Variants in ZNF385D observed in about 807,000 individuals in gnomAD.
The protein encoded by ZNF385D is zinc finger protein 659.
A neutral mutation model predicts 35.8 loss-of-function variants in ZNF385D; 15 were observed. The ratio of observed to expected loss-of-function variants is 0.42; its 90% CI spans 0.28 to 0.64. The LOEUF is 0.64. ZNF385D is among the 30% of genes least tolerant of loss of function. The probability of loss-of-function intolerance (pLI) is 0.23; values close to 1 mark genes in which losing one functional copy is unlikely to be tolerated. For synonymous variants in ZNF385D, 212 were observed against 186.8 expected, an observed-to-expected ratio of 1.13 and a Z score of -1.10; for missense variants, 474 against 494.6, an observed-to-expected ratio of 0.96 and a Z score of 0.39.
intron 3 of ZNF385D, among the ~76,000 whole-genome samples, chr3:21,967,866 G>T (rs574866828): frequency 2.6e-5 from 4 of 152,166 alleles, no homozygotes; most frequent in Non-Finnish European, 4.4e-5. Context: ...GCACCAAATT[G>T]ATTGACTATC....
intron 2 of ZNF385D, among the ~76,000 whole-genome samples, chr3:22,176,110 T>A (rs1447690994): frequency 3.9e-5 from 6 of 151,922 alleles, no homozygotes; most frequent in Admixed American, 3.3e-4. Context: ...CTACAGCATC[T>A]GGAAATTCCC....
At chr3:22,082,272 G>T (rs563618248) in intron 3 of ZNF385D, among the ~76,000 whole-genome samples, 62 of 152,178 alleles carry the variant, frequency 4.1e-4, no homozygotes, top group African/African-American at 1.4e-3. Context: ...GTAAGTGCAA[G>T]GGGTCAGGGA....
At chr3:22,028,809 G>C (rs1697728510) in intron 3 of ZNF385D, among the ~76,000 whole-genome samples, 1 of 152,174 alleles carries the variant, frequency 6.6e-6, no homozygotes, top group South Asian at 2.1e-4. Context: ...GAAGCAGCTG[G>C]ATTTATAAAA....
chr3:22,207,810 A>G (rs931655431), intron 2 of ZNF385D, among the ~76,000 whole-genome samples: 1 of 152,016 alleles, frequency 6.6e-6, no homozygotes, highest in African/African-American at 2.4e-5. Context: ...TTGAAAGAAG[A>G]CATACAAATG....
chr3:21,964,954 G>A (rs1193008009), intron 3 of ZNF385D, among the ~76,000 whole-genome samples: 3 of 152,172 alleles, frequency 2.0e-5, no homozygotes, highest in African/African-American at 7.2e-5. Context: ...GTATTTAGCA[G>A]ATAAAAATAC....
chr3:22,270,657 G>C (rs764651463), intron 2 of ZNF385D, among the ~76,000 whole-genome samples: 9 of 149,794 alleles, frequency 6.0e-5, no homozygotes, highest in South Asian at 4.1e-4. Context: ...CATGATGTGA[G>C]ATCTTTACTT....
intron 3 of ZNF385D, among the ~76,000 whole-genome samples, chr3:21,846,044 A>T (rs1322017421): frequency 1.3e-5 from 2 of 151,946 alleles, no homozygotes; most frequent in Admixed American, 6.6e-5. Flanking sequence ...TACAGAAAAC[A>T]TTTCTTCCCC....
At chr3:22,127,873 T>C (rs1313782871) in intron 3 of ZNF385D, among the ~76,000 whole-genome samples, 2 of 152,188 alleles carry the variant, frequency 1.3e-5, no homozygotes, top group African/African-American at 4.8e-5. Context: ...AAGTTGTAGT[T>C]ATTATTTTGG....
At chr3:21,786,658 G>A (rs995801535) in intron 3 of ZNF385D, among the ~76,000 whole-genome samples, 1 of 152,140 alleles carries the variant, frequency 6.6e-6, no homozygotes, top group Non-Finnish European at 1.5e-5. Flanking sequence ...AGCATTAGTG[G>A]TGACAGAATA....
chr3:21,904,967 A>G (rs959073473), intron 3 of ZNF385D, among the ~76,000 whole-genome samples: 2 of 152,098 alleles, frequency 1.3e-5, no homozygotes, highest in African/African-American at 4.8e-5. Flanking sequence ...AGAAAAAAGA[A>G]TATTTTTGAT....
chr3:21,753,236 T>C (rs2070184781), upstream of ZNF385D, among the ~76,000 whole-genome samples: 1 of 152,208 alleles, frequency 6.6e-6, no homozygotes, highest in African/African-American at 2.4e-5. Flanking sequence ...TTCTTAATGA[T>C]GTGATGAGTA....
chr3:21,846,293 G>T (rs1486370), intron 3 of ZNF385D, among the ~76,000 whole-genome samples: 127,274 of 151,562 alleles, frequency 0.84, 53,565 homozygotes, highest in South Asian at 0.89. Flanking sequence ...CACATTTTTA[G>T]ACTTGCACAT....
At chr3:21,797,934 C>G (rs1287611722) in intron 3 of ZNF385D, among the ~76,000 whole-genome samples, 1 of 152,160 alleles carries the variant, frequency 6.6e-6, no homozygotes, top group East Asian at 1.9e-4. Flanking sequence ...GGAAATATAC[C>G]ATTATACATT....
At chr3:21,874,528 G>A (rs1230026315) in intron 3 of ZNF385D, among the ~76,000 whole-genome samples, 1 of 152,002 alleles carries the variant, frequency 6.6e-6, no homozygotes, top group Non-Finnish European at 1.5e-5. Context: ...TTGATCATAT[G>A]TATGTGGGCT....
chr3:21,905,205 CAAAAAAA>C (rs63147760), intron 3 of ZNF385D, among the ~76,000 whole-genome samples: 1 of 69,730 alleles, frequency 1.4e-5, no homozygotes, highest in Non-Finnish European at 2.7e-5. Context: ...ACAAAAAATC[CAAAAAAA>C]AAAAAAAAAA....
intron 2 of ZNF385D, among the ~76,000 whole-genome samples, chr3:22,321,113 T>C (rs1694396210): frequency 6.6e-6 from 1 of 151,494 alleles, no homozygotes; most frequent in South Asian, 2.1e-4. Context: ...CCTGTTCAAA[T>C]TTTTTAATTC....
At chr3:21,891,295 A>C (rs1057489257) in intron 3 of ZNF385D, among the ~76,000 whole-genome samples, 3 of 152,180 alleles carry the variant, frequency 2.0e-5, no homozygotes, top group Admixed American at 2.0e-4. Flanking sequence ...ACAAGGAGCT[A>C]TCCAGGAAGT....
intron 3 of ZNF385D, among the ~76,000 whole-genome samples, chr3:22,089,368 G>A (rs1701205770): frequency 1.3e-5 from 2 of 152,204 alleles, no homozygotes; most frequent in Non-Finnish European, 2.9e-5. Flanking sequence ...CAGTAATAAT[G>A]TTGGTAGATA....
chr3:22,071,758 A>G (rs1019577192), intron 3 of ZNF385D, among the ~76,000 whole-genome samples: 3 of 152,120 alleles, frequency 2.0e-5, no homozygotes, highest in African/African-American at 7.2e-5. Context: ...ATGGACACCA[A>G]CAAGATTAGT....
Sources: gnomAD v4.1 joint callset for allele counts (sites outside exome capture counted in the v4.1 genomes callset) on GRCh38, gnomAD v4.1.1 for gene constraint, MANE v1.5 for transcripts, NCBI Gene and HGNC (gene_info 2026-07-23, HGNC 2026-07-21) for gene names.